The following SMARCA2 variants were observed in gnomAD, a reference collection of about 807,000 sequenced individuals.
The protein encoded by SMARCA2 is SWI/SNF related BAF chromatin remodeling complex subunit ATPase 2, also known as SWI/SNF-related matrix-associated actin-dependent regulator of chromatin subfamily A member 2.
Under a neutral mutation model 199.8 loss-of-function variants are expected in SMARCA2, and 61 were observed. That is an observed-to-expected ratio of 0.31 (90% confidence interval 0.25 to 0.38). SMARCA2 has a LOEUF of 0.38. Among genes scored for constraint, SMARCA2 ranks in the 10% least tolerant of loss-of-function variants. The probability of loss-of-function intolerance (pLI) is 1.00; values close to 1 mark genes in which losing one functional copy is unlikely to be tolerated. For synonymous variants in SMARCA2, 935 were observed against 732.0 expected (o/e 1.28, Z -4.48); for missense variants, 1,344 against 2,012.2 (o/e 0.67, Z 6.35).
At chr9:2,148,455 G>A (rs1401112897) in intron 27 of SMARCA2, among the ~76,000 whole-genome samples, 2 of 151,236 alleles carry the variant, frequency 1.3e-5, no homozygotes, top group Non-Finnish European at 3.0e-5. Flanking sequence ...TCCATTTCTG[G>A]AACACATTTT....
At chr9:2,185,970 A>G (rs910398762) in intron 31 of SMARCA2, 126 bp from the exon 32 acceptor site, 2 of 927,870 alleles carry the variant, frequency 2.2e-6, no homozygotes, top group Non-Finnish European at 3.3e-6. Flanking sequence ...TCATGTGGGC[A>G]TAAAAGCTAA....
At chr9:2,185,876 C>A (rs377242774) in intron 31 of SMARCA2, among the ~76,000 whole-genome samples, 15 of 152,190 alleles carry the variant, frequency 9.9e-5, no homozygotes, top group African/African-American at 3.6e-4. Flanking sequence ...CATCCATGCA[C>A]TTTGAAATAA....
intron 4 of SMARCA2, chr9:2,045,832 C>CAG (rs1345140785): frequency 1.4e-5 from 2 of 142,626 alleles, no homozygotes; most frequent in African/African-American, 2.5e-5. Context: ...CACAGACACA[C>CAG]ACACACACAC....
chr9:2,027,536 A>C (rs1423233480), intron 1 of SMARCA2, among the ~76,000 whole-genome samples: 1 of 152,180 alleles, frequency 6.6e-6, no homozygotes, highest in Non-Finnish European at 1.5e-5. Context: ...TCATCAGATA[A>C]TTTTTGAGCT....
At chr9:2,112,724 AC>A (rs1314560206) in intron 24 of SMARCA2, among the ~76,000 whole-genome samples, 1 of 152,194 alleles carries the variant, frequency 6.6e-6, no homozygotes, top group African/African-American at 2.4e-5. Context: ...AACTGAGCTG[AC>A]CAGATTTTTC....
At chr9:2,074,804 G>A (rs375025411) in intron 12 of SMARCA2, among the ~76,000 whole-genome samples, 1 of 152,204 alleles carries the variant, frequency 6.6e-6, no homozygotes, top group Non-Finnish European at 1.5e-5. Flanking sequence ...GGCAGAGACT[G>A]CAGTGAGCTG....
At position 2,170,098 on chromosome 9, in the gene SMARCA2, C is replaced by A. The variant is rs1280661317; in HGVS notation, c.4200-321C>A. Among the ~76,000 whole-genome samples the A allele has an allele frequency of 1.3e-5, 2 of 152,214 alleles. No homozygotes were observed. Among genetic ancestry groups the A allele is most frequent in the Admixed American group, 1.3e-4 (2 of 15,288 alleles). On this transcript the variant is annotated intron_variant, in intron 28 of 33. Transcript: ENST00000349721. The surrounding 1 kb of genome is among the most constrained non-coding windows in gnomAD (Gnocchi z 4.7). ...TACCTTCCCAAGATCACACGCACCT[C>A]TAGCCAGTGGCTGCCTGTCTCCCAC...
At chr9:2,141,183 T>C (rs890827523) in intron 27 of SMARCA2, among the ~76,000 whole-genome samples, 15 of 98,610 alleles carry the variant, frequency 1.5e-4, no homozygotes, top group Non-Finnish European at 3.0e-4. Flanking sequence ...ATTAGACCCT[T>C]TCTCTCAGTA....
intron 26 of SMARCA2, among the ~76,000 whole-genome samples, chr9:2,121,240 G>A (rs1823446930): frequency 6.6e-6 from 1 of 152,226 alleles, no homozygotes; most frequent in Admixed American, 6.5e-5. Context: ...GAAACAATCT[G>A]AATATCTTGG....
In SMARCA2 at chr9:2,118,452, ACTCATACTCTTT is replaced by A. The variant is rs138360084; in HGVS notation, c.3685-1002_3685-991del. Among the ~76,000 whole-genome samples the A allele has an allele frequency of 7.6e-3, 1,154 of 152,220 alleles. 13 individuals are homozygous for A. The highest frequency in any genetic ancestry group is 0.027 in the African/African-American group (1,104 of 41,508). The stretch of plus-strand genomic sequence containing the variant: ...GTCATCTCATTTGAGCCGCTAGTAC[ACTCATACTCTTT>A]CTCTAAAACAAGTTGCCTCTTTTTG... On this transcript the variant is annotated intron_variant, in intron 25 of 33. Transcript: ENST00000349721.
At chr9:2,191,107 G>A (rs185516760) in intron 32 of SMARCA2, among the ~76,000 whole-genome samples, 159 bp from the exon 33 acceptor site, 44 of 152,258 alleles carry the variant, frequency 2.9e-4, no homozygotes, top group East Asian at 2.7e-3. Flanking sequence ...GAAAGGGGTC[G>A]CTGACTAGAC....
chr9:2,093,103 G>A (rs1402084879), intron 19 of SMARCA2, among the ~76,000 whole-genome samples: 2 of 152,186 alleles, frequency 1.3e-5, no homozygotes, highest in South Asian at 2.1e-4. Flanking sequence ...GGGAGGCATG[G>A]TGTGAGAAGT....
intron 33 of SMARCA2, 61 bp from the exon 34 acceptor site, chr9:2,192,643 T>G: frequency 1.7e-6 from 2 of 1,168,878 alleles, no homozygotes; most frequent in Non-Finnish European, 2.6e-6. Flanking sequence ...GGTTTGTTGT[T>G]ATATCTTCTT....
At chr9:2,154,686 G>A (rs769722967) in intron 27 of SMARCA2, among the ~76,000 whole-genome samples, 5 of 152,138 alleles carry the variant, frequency 3.3e-5, no homozygotes, top group Admixed American at 6.5e-5. Flanking sequence ...ATTCATGAAG[G>A]TGCTTCCAAG....
Position 2,161,032 on chromosome 9 carries a change from G to T in SMARCA2, c.3982-654G>T, listed in dbSNP as rs1825644422. ...TGGCTCTGGTTTAAAGCAAGCGTTTGCAGGTAATTGGAAAAAAGTGTTTAT... is the reference window on the plus strand; with the variant it reads ...TGGCTCTGGTTTAAAGCAAGCGTTTTCAGGTAATTGGAAAAAAGTGTTTAT... On this transcript the variant is annotated intron_variant, in intron 27 of 33. Coordinates refer to ENST00000349721, the MANE Select transcript of SMARCA2 (RefSeq NM_003070.5). This position sits in a 1 kb window ranked among gnomAD's most constrained non-coding sequence, Gnocchi z 4.7. 6.2e-6 allele frequency: 1 copy of T among 162,554 alleles called. No individual in the cohort carries two copies. Among genetic ancestry groups the T allele is most frequent in the Admixed American group, 6.2e-5 (1 of 16,026 alleles). 10.1% of individuals were successfully genotyped at this position (162,554 alleles called of 1,614,324 possible). A position where few individuals can be genotyped will look rare whatever the true frequency, so the allele number is the denominator to read the frequency against.
intron 6 of SMARCA2, among the ~76,000 whole-genome samples, chr9:2,055,958 C>T (rs1447746635): frequency 6.6e-6 from 1 of 152,096 alleles, no homozygotes; most frequent in Non-Finnish European, 1.5e-5. Context: ...TATGAAGCTT[C>T]CTAATTAAAT....
chr9:2,073,083 G>A (rs996571671), intron 10 of SMARCA2, 129 bp from the exon 11 acceptor site: 1 of 1,047,282 alleles, frequency 9.5e-7, no homozygotes, highest in Admixed American at 2.6e-5. Flanking sequence ...CACTCATTAG[G>A]TAGTGAAATT....
intron 29 of SMARCA2, among the ~76,000 whole-genome samples, chr9:2,175,325 A>C (rs1826507577): frequency 7.3e-6 from 1 of 137,264 alleles, no homozygotes; most frequent in African/African-American, 2.8e-5. Flanking sequence ...CCAACAATAC[A>C]CACACAAAAA....
chr9:2,117,788 G>A (rs917507658), intron 25 of SMARCA2, among the ~76,000 whole-genome samples: 2 of 152,214 alleles, frequency 1.3e-5, no homozygotes, highest in Admixed American at 6.5e-5. Context: ...CTAGCTGTGA[G>A]CAGCCTTGCT....
Sources: allele counts gnomAD v4.1 joint callset (sites outside exome capture counted in the v4.1 genomes callset), GRCh38; gene constraint gnomAD v4.1.1; non-coding constraint Gnocchi (gnomAD v3.1); transcripts MANE v1.5; gene names NCBI Gene and HGNC (gene_info 2026-07-23, HGNC 2026-07-21).